The following USH2A variants were observed in gnomAD, a reference collection of about 807,000 sequenced individuals.
The protein encoded by USH2A is usherin.
In USH2A, 443 loss-of-function variants were observed where a neutral mutation model predicts 538.9. The ratio of observed to expected loss-of-function variants is 0.82; its 90% CI spans 0.76 to 0.89. The LOEUF is 0.89. Ranked by LOEUF, USH2A falls within the 40% of genes least tolerant of loss-of-function variation. USH2A has a pLI of 0.00. For missense variants in USH2A, 6,633 were observed against 6,324.8 expected (o/e 1.05, Z -1.65); for synonymous variants, 2,413 against 2,273.5 (o/e 1.06, Z -1.75).
chr1:216,307,151 C>G (rs901742338), intron 9 of USH2A, among the ~76,000 whole-genome samples: 1 of 152,026 alleles, frequency 6.6e-6, no homozygotes, highest in Non-Finnish European at 1.5e-5. Flanking sequence ...TGTCCTTTGT[C>G]TGGCTACGAG....
chr1:216,184,203 T>C (rs962711375), intron 20 of USH2A, among the ~76,000 whole-genome samples: 1 of 152,026 alleles, frequency 6.6e-6, no homozygotes, highest in Non-Finnish European at 1.5e-5. Flanking sequence ...AATAAATAAT[T>C]GGATAATTAG....
chr1:215,772,694 T>C (rs1661326048), intron 55 of USH2A, among the ~76,000 whole-genome samples: 1 of 152,174 alleles, frequency 6.6e-6, no homozygotes, highest in Non-Finnish European at 1.5e-5. Context: ...TCTTGATAAA[T>C]AGTCAAAAAA....
Position 215,779,839 on chromosome 1 carries a change from T to C in USH2A, c.10939+4A>G. 1 of 1,613,742 alleles carries C rather than the reference T, an allele frequency of 6.2e-7. No individual in the cohort carries two copies. The highest frequency in any genetic ancestry group is 8.5e-7 in the Non-Finnish European group (1 of 1,179,992). ...TAGGATTTCCTTTTTTTTTGTTTTCTCACCTGTGACCGTATGCTGTCTCCT... is the reference window on the plus strand; with the variant it reads ...TAGGATTTCCTTTTTTTTTGTTTTCCCACCTGTGACCGTATGCTGTCTCCT... On this transcript the variant is annotated splice_donor_region_variant and intron_variant, in intron 55 of 71. Transcript: ENST00000307340.
intron 30 of USH2A, among the ~76,000 whole-genome samples, chr1:216,061,378 A>AT (rs1354717125): frequency 3.3e-5 from 5 of 151,912 alleles, no homozygotes; most frequent in African/African-American, 1.2e-4. Flanking sequence ...CTTTGCTAGT[A>AT]TTTTCTATTT....
chr1:215,726,125 G>C (rs1444168755), intron 61 of USH2A, among the ~76,000 whole-genome samples: 2 of 152,142 alleles, frequency 1.3e-5, no homozygotes, highest in East Asian at 3.9e-4. Context: ...CATTCAGAAA[G>C]CTATTAACAA....
chr1:216,149,107 A>C, intron 21 of USH2A, among the ~76,000 whole-genome samples: 1 of 152,078 alleles, frequency 6.6e-6, no homozygotes, highest in Non-Finnish European at 1.5e-5. Context: ...CAGAATTTTT[A>C]CACAAGAGCC....
chr1:215,933,181 T>G (rs914727570), intron 38 of USH2A, among the ~76,000 whole-genome samples: 1 of 151,988 alleles, frequency 6.6e-6, no homozygotes, highest in Non-Finnish European at 1.5e-5. Context: ...TGGCACTGAT[T>G]ACTCTTTAAT....
In USH2A at chr1:215,967,974, A is replaced by G. The variant is rs141668400; in HGVS notation, c.6958-2495T>C. Among the ~76,000 whole-genome samples the G allele has an allele frequency of 5.7e-3, 861 of 152,296 alleles. 12 individuals are homozygous for G. Among genetic ancestry groups the G allele is most frequent in the African/African-American group, 0.019 (793 of 41,584 alleles). On this transcript the variant is annotated intron_variant, in intron 36 of 71. Coordinates refer to ENST00000307340, the MANE Select transcript of USH2A (RefSeq NM_206933.4). ...CATAAAATTCTCAATCTTAGACTCCACTAGTGTTATGTAACATTGGCTAAG... is the reference window on the plus strand; with the variant it reads ...CATAAAATTCTCAATCTTAGACTCCGCTAGTGTTATGTAACATTGGCTAAG...
chr1:216,051,787 A>C (rs1571918548), intron 30 of USH2A, among the ~76,000 whole-genome samples: 1 of 152,332 alleles, frequency 6.6e-6, no homozygotes, highest in Admixed American at 6.5e-5. Flanking sequence ...TGTGTTGTAC[A>C]TTCAGGAAGT....
intron 46 of USH2A, among the ~76,000 whole-genome samples, chr1:215,841,987 T>C (rs1348510899): frequency 6.6e-6 from 1 of 152,128 alleles, no homozygotes; most frequent in East Asian, 1.9e-4. Context: ...AAAATGAAAT[T>C]ATTATTTCTT....
chr1:216,355,345 A>C (rs1192159207), intron 4 of USH2A, among the ~76,000 whole-genome samples: 1 of 150,924 alleles, frequency 6.6e-6, no homozygotes, highest in African/African-American at 2.4e-5. Flanking sequence ...GAAAGAAAGA[A>C]AGAAAGAAAG....
intron 15 of USH2A, among the ~76,000 whole-genome samples, chr1:216,216,577 T>C (rs1030253863): frequency 4.6e-5 from 7 of 152,154 alleles, no homozygotes; most frequent in East Asian, 1.9e-4. Flanking sequence ...CAATATGTTG[T>C]AGAGGGCTCC....
At position 215,782,165 on chromosome 1, in the gene USH2A, A is replaced by G. The variant is rs1272577614; in HGVS notation, c.10617T>C (p.Asn3539=). The change falls in exon 54 of 72, where the codon AAT becomes AAC. Residue 3539 remains asparagine, a synonymous_variant. Transcript: ENST00000307340. Reference sequence around the variant, plus strand: ...ATGTTCCCCGAAAACGTTCAATTCCATTTCGAAGAAGGATGTAGTAAATAA... The same window carrying G: ...ATGTTCCCCGAAAACGTTCAATTCCGTTTCGAAGAAGGATGTAGTAAATAA... ...GPIIYYILLR[N]GIERFRGTSL... The G allele has an allele frequency of 6.2e-7, 1 of 1,613,964 alleles. No homozygotes were observed. Among genetic ancestry groups the G allele is most frequent in the Non-Finnish European group, 8.5e-7 (1 of 1,179,852 alleles).
At chr1:215,755,234 C>T (rs1012686675) in intron 58 of USH2A, among the ~76,000 whole-genome samples, 3 of 152,166 alleles carry the variant, frequency 2.0e-5, no homozygotes, top group Non-Finnish European at 4.4e-5. Flanking sequence ...TTTACACAAG[C>T]TTCCTAGGTG....
At chr1:216,078,036 ACT>A (rs2031810886) in intron 27 of USH2A, 51 bp downstream of exon 27, 2 of 1,611,064 alleles carry the variant, frequency 1.2e-6, no homozygotes, top group African/African-American at 2.7e-5. Flanking sequence ...ACCACCAAAA[ACT>A]GTTAGCACCA....
At chr1:216,189,168 T>G (rs2102653940) in intron 20 of USH2A, among the ~76,000 whole-genome samples, 1 of 152,066 alleles carries the variant, frequency 6.6e-6, no homozygotes, top group African/African-American at 2.4e-5. Flanking sequence ...TAGTAAACCA[T>G]AATTTCTTAG....
intron 44 of USH2A, among the ~76,000 whole-genome samples, chr1:215,861,606 G>A (rs1205413892): frequency 6.6e-6 from 1 of 152,052 alleles, no homozygotes; most frequent in Non-Finnish European, 1.5e-5. Context: ...CCAGTCCAGG[G>A]GAAGGGCTAA....
At chr1:215,998,594 A>G (rs1668190189) in intron 34 of USH2A, among the ~76,000 whole-genome samples, 1 of 152,238 alleles carries the variant, frequency 6.6e-6, no homozygotes, top group African/African-American at 2.4e-5. Flanking sequence ...GTTCTTAACA[A>G]TTATGATGTT....
chr1:216,260,500 T>C (rs2036349709), intron 11 of USH2A, among the ~76,000 whole-genome samples: 1 of 152,172 alleles, frequency 6.6e-6, no homozygotes, highest in African/African-American at 2.4e-5. Context: ...TACTGGCATG[T>C]AGTATACTGA....
Sources: gnomAD v4.1 joint callset for allele counts (sites outside exome capture counted in the v4.1 genomes callset) on GRCh38, gnomAD v4.1.1 for gene constraint, MANE v1.5 for transcripts, NCBI Gene and HGNC (gene_info 2026-07-23, HGNC 2026-07-21) for gene names.